The following RBM23 variants were observed in gnomAD, a reference collection of about 807,000 sequenced individuals.
RBM23 encodes the protein RNA binding motif protein 23.
Under a neutral mutation model 56.2 loss-of-function variants are expected in RBM23, and 53 were observed. That is an observed-to-expected ratio of 0.94 (90% CI 0.76 to 1.19). RBM23 has a LOEUF of 1.19. Among genes scored for constraint, RBM23 ranks in the 50% most tolerant of loss-of-function variants. RBM23 has a pLI of 0.00. For synonymous variants in RBM23, 197 were observed against 198.5 expected (o/e 0.99, Z 0.06); for missense variants, 642 against 590.3 (o/e 1.09, Z -0.91).
intron 4 of RBM23, among the ~76,000 whole-genome samples, chr14:22,906,828 C>G (rs28458772): frequency 0.025 from 3,821 of 152,082 alleles, 173 homozygotes; most frequent in African/African-American, 0.087. Flanking sequence ...CACCTGAGGT[C>G]GAGAGTTCGA....
At chr14:22,904,150 T>G in intron 10 of RBM23, 111 bp downstream of exon 10, 1 of 1,587,656 alleles carries the variant, frequency 6.3e-7, no homozygotes, top group East Asian at 2.3e-5. Flanking sequence ...GCACCAGGGT[T>G]TATGGGTCAT....
At position 22,899,206 on chromosome 14, in the gene RBM23, G is replaced by A. The variant is rs1257930721; in HGVS notation, c.*2524C>T. ...ACAGAGCCCTCATGAGTGGATTAAT[G>A]TCACTATCACACAGCAGGTTATCAT... is the stretch of plus-strand genomic sequence containing the variant. On this transcript the variant is annotated 3_prime_UTR_variant, in exon 14 of 14. Coordinates refer to ENST00000359890, the MANE Select transcript of RBM23 (RefSeq NM_001077351.2). The A allele has an allele frequency of 6.6e-6, 1 of 152,198 alleles. No individual in the cohort carries two copies. The allele number at this position is 152,198 out of a possible 1,614,324, so 9.4% of individuals were successfully genotyped here. A position where few individuals can be genotyped will look rare whatever the true frequency, so the allele number is the denominator to read the frequency against.
Position 22,906,291 on chromosome 14 carries a change from CTACGGT to C in RBM23, c.299_304del (p.His100_Ser102delinsArg). 2 of 1,614,254 alleles carry C rather than the reference CTACGGT, an allele frequency of 1.2e-6. No homozygotes were observed. Among genetic ancestry groups the C allele is most frequent in the Admixed American group, 1.7e-5 (1 of 60,028 alleles). ...ACCATGTCGACGATCCCAGCTACGG[CTACGGT>C]GACGACACTGCCGACCTGGACTTCG... On this transcript the variant is annotated inframe_deletion, in exon 5 of 14. Transcript: ENST00000359890.
chr14:22,903,102 G>C (rs953460742), intron 10 of RBM23: 1 of 985,288 alleles, frequency 1.0e-6, no homozygotes, highest in Non-Finnish European at 1.2e-6. Flanking sequence ...TAAGTACTAG[G>C]AATCTGGAAC....
Position 22,906,292 on chromosome 14 carries a change from T to TACGGTGACG in RBM23, c.295_303dup (p.Arg99_Arg101dup). On this transcript the variant is annotated inframe_insertion, in exon 5 of 14. Coordinates refer to ENST00000359890, the MANE Select transcript of RBM23 (RefSeq NM_001077351.2). Reference sequence around the variant, plus strand: ...CCATGTCGACGATCCCAGCTACGGCTACGGTGACGACACTGCCGACCTGGA... The same window carrying TACGGTGACG: ...CCATGTCGACGATCCCAGCTACGGCTACGGTGACGACGGTGACGACACTGCCGACCTGGA... The TACGGTGACG allele has an allele frequency of 1.2e-6, 2 of 1,614,248 alleles. No homozygotes were observed. The highest frequency in any genetic ancestry group is 1.7e-6 in the Non-Finnish European group (2 of 1,180,046).
chr14:22,904,387 T>A, intron 9 of RBM23, 61 bp from the exon 10 acceptor site: 4 of 1,201,094 alleles, frequency 3.3e-6, no homozygotes, highest in Non-Finnish European at 4.8e-6. Context: ...CAATCTTTCC[T>A]ACCCAGACTG....
rs2040205199 is a variant in RBM23, at chr14:22,893,891, C to T, written c.*7839G>A. ...TTCCACAGCTTAGTGGCCTTGAAAA[C>T]TCCAGATGTGAATGCAAATTCAGTA... On this transcript the variant is annotated 3_prime_UTR_variant, in exon 14 of 14. Transcript: ENST00000359890. 1 of 152,132 alleles carries T rather than the reference C, an allele frequency of 6.6e-6. No homozygotes were observed. The highest frequency in any genetic ancestry group is 6.6e-5 in the Admixed American group (1 of 15,258). The allele number at this position is 152,132 out of a possible 1,614,324, so 9.4% of individuals were successfully genotyped here.
chr14:22,910,698 G>C (rs72681970), intron 2 of RBM23, among the ~76,000 whole-genome samples: 5,858 of 151,934 alleles, frequency 0.039, 192 homozygotes, highest in Non-Finnish European at 0.064. Flanking sequence ...GCAAGACCCT[G>C]TCTCTATAAA....
chr14:22,911,412 A>T lies in RBM23; in HGVS notation c.-10-9T>A. ...ATGCCATCCTGTCAGATCTGGGGAG[A>T]GGATATTAATATGTAAGAATCTGTT... On this transcript the variant is annotated splice_polypyrimidine_tract_variant and intron_variant, in intron 1 of 13. Coordinates refer to ENST00000359890, the MANE Select transcript of RBM23 (RefSeq NM_001077351.2). 6.2e-7 allele frequency: 1 copy of T among 1,607,052 alleles called. No individual in the cohort carries two copies. The highest frequency in any genetic ancestry group is 8.5e-7 in the Non-Finnish European group (1 of 1,174,878).
chr14:22,904,940 C>A lies in RBM23; in HGVS notation c.799G>T (p.Val267Leu), dbSNP rs768494052. Residue 267 changes from valine (V) to leucine (L), a missense_variant, in exon 9 of 14, where the codon GTG becomes TTG. Transcript: ENST00000359890. ...KGNGGPMRLY[V>L]GSLHFNITED... ...GTGATATTGAAGTGCAGGGAACCCA[C>A]ATAGAGGCGCATTGGTCCACCATTG... is the stretch of plus-strand genomic sequence containing the variant. 2 of 1,614,206 alleles carry A rather than the reference C, an allele frequency of 1.2e-6. No individual in the cohort carries two copies. The highest frequency in any genetic ancestry group is 1.1e-5 in the South Asian group (1 of 91,086).
At chr14:22,912,235 C>A (rs4981447) in intron 1 of RBM23, among the ~76,000 whole-genome samples, 111,066 of 152,096 alleles carry the variant, frequency 0.73, 41,525 homozygotes, top group East Asian at 0.95. Flanking sequence ...TAAAGAGGCA[C>A]GACTAAAAAT....
chr14:22,915,164 A>G (rs903453037), intron 1 of RBM23, among the ~76,000 whole-genome samples: 1 of 152,228 alleles, frequency 6.6e-6, no homozygotes, highest in Admixed American at 6.5e-5. Flanking sequence ...CACTGTGCTA[A>G]GCATGTTATG....
rs2138871054 is a variant in RBM23, at chr14:22,900,951, C to T, written c.*779G>A. 6.6e-6 allele frequency: 1 copy of T among 152,308 alleles called. No homozygotes were observed. The allele number at this position is 152,308 out of a possible 1,614,324, so 9.4% of individuals were successfully genotyped here. On this transcript the variant is annotated 3_prime_UTR_variant, in exon 14 of 14. Transcript: ENST00000359890. ...GGTAGAGTAGCAGCCTCCCTCCATCCTCCTACCTCGGGCCAAAGGGAGGAA... is the reference window on the plus strand; with the variant it reads ...GGTAGAGTAGCAGCCTCCCTCCATCTTCCTACCTCGGGCCAAAGGGAGGAA...
Position 22,905,650 on chromosome 14 carries a change from A to C in RBM23, c.411T>G (p.Tyr137Ter), listed in dbSNP as rs1346887235. Residue 137 changes from tyrosine to a stop codon, truncating the protein, a stop_gained, in exon 6 of 14, where the codon TAT (tyrosine) becomes TAG (stop). Coordinates refer to ENST00000359890, the MANE Select transcript of RBM23 (RefSeq NM_001077351.2). LOFTEE classifies it high-confidence loss of function. Reference protein sequence around the residue: ...RSPPLATGYRYGHSKSPHFRE... With the variant: ...RSPPLATGYR Reference sequence around the variant, plus strand: ...TGAAATGAGGACTCTTACTGTGTCCATACCTATAACTAAAGAATAGAGAAA... The same window carrying C: ...TGAAATGAGGACTCTTACTGTGTCCCTACCTATAACTAAAGAATAGAGAAA... 7 of 1,606,898 alleles carry C rather than the reference A, an allele frequency of 4.4e-6. No homozygotes were observed. In the East Asian group the frequency reaches 8.9e-5, roughly 20 times the overall value.
Position 22,901,856 on chromosome 14 carries a change from G to C in RBM23, c.1274C>G (p.Ser425Cys), listed in dbSNP as rs1566520141. ...TALSPALNLASQCFQLSSLFT... is the reference protein window; with the variant it reads ...TALSPALNLACQCFQLSSLFT... Reference sequence around the variant, plus strand: ...GAGGCTGGAGAGCTGGAAACACTGGGAGGCAAGGTTCAGGGCTGGACTCAG... The same window carrying C: ...GAGGCTGGAGAGCTGGAAACACTGGCAGGCAAGGTTCAGGGCTGGACTCAG... Residue 425 changes from serine to cysteine, a missense_variant, in exon 13 of 14, where the codon TCC (serine) becomes TGC (cysteine). Ser to Cys is a moderately radical substitution (Grantham distance 112). Coordinates refer to ENST00000359890, the MANE Select transcript of RBM23 (RefSeq NM_001077351.2). 3.1e-6 allele frequency: 5 copies of C among 1,614,218 alleles called. No individual in the cohort carries two copies. Among genetic ancestry groups the C allele is most frequent in the Non-Finnish European group, 4.2e-6 (5 of 1,180,030 alleles).
chr14:22,902,758 T>A, intron 10 of RBM23: 1 of 355,288 alleles, frequency 2.8e-6, no homozygotes, highest in Non-Finnish European at 3.3e-6. Context: ...GTTTTAGTCT[T>A]TTTTTTTTTT....
At chr14:22,907,681 G>A (rs1315494948) in intron 4 of RBM23, among the ~76,000 whole-genome samples, 1 of 152,146 alleles carries the variant, frequency 6.6e-6, no homozygotes, top group Admixed American at 6.5e-5. Flanking sequence ...TATCATTCTA[G>A]AATATATTAC....
At chr14:22,911,561 C>T (rs2042525867) in intron 1 of RBM23, 158 bp from the exon 2 acceptor site, 1 of 565,016 alleles carries the variant, frequency 1.8e-6, no homozygotes, top group Non-Finnish European at 3.1e-6. Flanking sequence ...CTGTCACTTA[C>T]TCTAGGTTTA....
chr14:22,900,655 A>C lies in RBM23; in HGVS notation c.*1075T>G, dbSNP rs984722111. ...AATAAATAAACACAATGATGTTACTAATGTTTTATATCCCTAGAAACATCA... is the reference window on the plus strand; with the variant it reads ...AATAAATAAACACAATGATGTTACTCATGTTTTATATCCCTAGAAACATCA... On this transcript the variant is annotated 3_prime_UTR_variant, in exon 14 of 14. Transcript: ENST00000359890. The C allele has an allele frequency of 6.6e-6, 1 of 152,186 alleles. No homozygotes were observed. The allele number at this position is 152,186 out of a possible 1,614,324, so 9.4% of individuals were successfully genotyped here.
Sources: allele counts gnomAD v4.1 joint callset (sites outside exome capture counted in the v4.1 genomes callset), GRCh38; gene constraint gnomAD v4.1.1; transcripts MANE v1.5; gene names NCBI Gene and HGNC (gene_info 2026-07-23, HGNC 2026-07-21).